PDZD2: variants seen among roughly 807,000 people sequenced by gnomAD.
The protein encoded by PDZD2 is PDZ domain-containing protein 2.
A neutral mutation model predicts 220.7 loss-of-function variants in PDZD2; 90 were observed. That is an observed-to-expected ratio of 0.41 (90% CI 0.34 to 0.49). PDZD2 has a LOEUF of 0.49. PDZD2 is among the 20% of genes least tolerant of loss of function. The probability of loss-of-function intolerance (pLI) is 0.28; values close to 1 mark genes in which losing one functional copy is unlikely to be tolerated. For missense variants in PDZD2, 3,174 were observed against 3,608.5 expected, an observed-to-expected ratio of 0.88 and a Z score of 3.08; for synonymous variants, 1,375 against 1,450.5, an observed-to-expected ratio of 0.95 and a Z score of 1.18.
chr5:31,891,945 C>A (rs1741085407), intron 2 of PDZD2, among the ~76,000 whole-genome samples: 1 of 151,482 alleles, frequency 6.6e-6, no homozygotes, highest in Non-Finnish European at 1.5e-5. Context: ...GGGTCTCACC[C>A]TGTTGCCCAG....
intron 1 of PDZD2, among the ~76,000 whole-genome samples, chr5:31,655,862 G>A (rs1745528923): frequency 6.6e-6 from 1 of 152,232 alleles, no homozygotes; most frequent in Non-Finnish European, 1.5e-5. Context: ...CTTTGCCTCT[G>A]TGGCATATGT....
intron 2 of PDZD2, among the ~76,000 whole-genome samples, chr5:31,850,636 T>G (rs1031238663): frequency 8.8e-6 from 1 of 113,572 alleles, no homozygotes; most frequent in African/African-American, 3.1e-5. Context: ...CCCAAATTCT[T>G]TTTTTTTTTT....
chr5:31,973,921 G>A (rs1749517712), intron 2 of PDZD2, among the ~76,000 whole-genome samples: 1 of 152,192 alleles, frequency 6.6e-6, no homozygotes. Context: ...CACTTGGGAG[G>A]CTGAGGCAGG....
intron 2 of PDZD2, among the ~76,000 whole-genome samples, chr5:31,831,093 T>C (rs908100964): frequency 6.6e-6 from 1 of 152,228 alleles, no homozygotes; most frequent in Non-Finnish European, 1.5e-5. Flanking sequence ...TGATGGAGGA[T>C]TAAGCTAGAT....
chr5:31,773,163 A>G (rs574025111), intron 1 of PDZD2, among the ~76,000 whole-genome samples: 7 of 152,282 alleles, frequency 4.6e-5, no homozygotes, highest in Admixed American at 3.3e-4. Context: ...AACAAGATAG[A>G]ATTTTATTTA....
chr5:32,069,541 C>G (rs925597428), intron 14 of PDZD2, 28 bp from the exon 15 acceptor site: 19 of 1,279,536 alleles, frequency 1.5e-5, no homozygotes, highest in Non-Finnish European at 2.2e-5. Flanking sequence ...ATAAAACCAT[C>G]TAATCTTTGC....
chr5:31,958,520 G>T (rs1187073169), intron 2 of PDZD2, among the ~76,000 whole-genome samples: 1 of 152,046 alleles, frequency 6.6e-6, no homozygotes, highest in African/African-American at 2.4e-5. Context: ...TCCCCAAAGT[G>T]CCGGGATTAC....
intron 2 of PDZD2, among the ~76,000 whole-genome samples, chr5:31,894,769 C>G (rs187054561): frequency 1.1e-4 from 17 of 152,294 alleles, no homozygotes; most frequent in Admixed American, 1.1e-3. Flanking sequence ...CAGCCCAATG[C>G]TGCACGAGGG....
At chr5:31,681,611 G>T (rs533702695) in intron 1 of PDZD2, among the ~76,000 whole-genome samples, 1 of 151,936 alleles carries the variant, frequency 6.6e-6, no homozygotes, top group South Asian at 2.1e-4. Context: ...ATGTGCGTAT[G>T]TGTCTATGTC....
rs1580556998 is a variant in PDZD2 at position 31,681,013 on chromosome 5, C to G, written c.-361+41576C>G. Among the ~76,000 whole-genome samples, 4 of 152,264 alleles carry G rather than the reference C, an allele frequency of 2.6e-5. 1 individual carries two copies. The South Asian group carries it at 8.3e-4, about 32-fold the overall frequency. On this transcript the variant is annotated intron_variant, in intron 1 of 24. Transcript: ENST00000438447. ...TTCCCAAGATCCCCCCACCTACCCC[C>G]ACCCAACTTTCTTGTCCTCAAGTCA...
intron 1 of PDZD2, among the ~76,000 whole-genome samples, chr5:31,655,765 G>C (rs1745525670): frequency 6.6e-6 from 1 of 152,172 alleles, no homozygotes. Context: ...ATTTTTTGAA[G>C]ACTCCCCAGG....
intron 2 of PDZD2, among the ~76,000 whole-genome samples, chr5:31,914,193 C>G (rs929361260): frequency 2.0e-5 from 3 of 152,214 alleles, no homozygotes; most frequent in Admixed American, 1.3e-4. Flanking sequence ...ATTAAAATGA[C>G]TAAATAAAGT....
At chr5:31,730,592 G>GTGTGTGTGGT (rs3222598) in intron 1 of PDZD2, among the ~76,000 whole-genome samples, 3 of 121,172 alleles carry the variant, frequency 2.5e-5, no homozygotes, top group African/African-American at 9.3e-5. Context: ...GTGTGTGTGT[G>GTGTGTGTGGT]GTGTGTGTGT....
intron 1 of PDZD2, among the ~76,000 whole-genome samples, chr5:31,741,609 C>A (rs751228363): frequency 3.3e-5 from 5 of 152,122 alleles, no homozygotes; most frequent in Non-Finnish European, 7.4e-5. Context: ...TTGGGGAAAC[C>A]ATTATGTACT....
chr5:31,841,817 A>G (rs1249784378), intron 2 of PDZD2, among the ~76,000 whole-genome samples: 2 of 151,916 alleles, frequency 1.3e-5, no homozygotes, highest in Non-Finnish European at 2.9e-5. Flanking sequence ...CTAAAAATAC[A>G]AAAATTAGCC....
At chr5:31,960,277 C>A (rs1366718193) in intron 2 of PDZD2, among the ~76,000 whole-genome samples, 1 of 151,734 alleles carries the variant, frequency 6.6e-6, no homozygotes, top group African/African-American at 2.4e-5. Flanking sequence ...AGTGCCATGG[C>A]GCGATCTCGG....
intron 1 of PDZD2, among the ~76,000 whole-genome samples, chr5:31,746,555 A>AT (rs1750615496): frequency 6.6e-6 from 1 of 152,172 alleles, no homozygotes. Flanking sequence ...GTGACCAGTG[A>AT]TTTTTCATAA....
At chr5:31,931,461 T>G (rs770572151) in intron 2 of PDZD2, among the ~76,000 whole-genome samples, 1 of 152,086 alleles carries the variant, frequency 6.6e-6, no homozygotes, top group East Asian at 1.9e-4. Context: ...CCTGGCCGCA[T>G]AGTAGATTTT....
At chr5:31,665,873 A>G (rs753365897) in intron 1 of PDZD2, among the ~76,000 whole-genome samples, 1 of 152,188 alleles carries the variant, frequency 6.6e-6, no homozygotes, top group Non-Finnish European at 1.5e-5. Context: ...TGGAAGTTTT[A>G]CACACATAAA....
Sources: allele counts gnomAD v4.1 joint callset (sites outside exome capture counted in the v4.1 genomes callset), GRCh38; gene constraint gnomAD v4.1.1; transcripts MANE v1.5; gene names NCBI Gene and HGNC (gene_info 2026-07-23, HGNC 2026-07-21).